The following CYTH1 variants were observed in gnomAD, a reference collection of about 807,000 sequenced individuals.
The protein encoded by CYTH1 is cytohesin 1, also known as cytohesin-1.
A neutral mutation model predicts 61.8 loss-of-function variants in CYTH1; 18 were observed. The ratio of observed to expected loss-of-function variants is 0.29; its 90% confidence interval spans 0.20 to 0.43. The LOEUF is 0.43. Among genes scored for constraint, CYTH1 ranks in the 20% least tolerant of loss-of-function variants. CYTH1 has a pLI of 1.00. For missense variants in CYTH1, 336 were observed against 510.5 expected, an observed-to-expected ratio of 0.66 and a Z score of 3.29; for synonymous variants, 174 against 184.3, an observed-to-expected ratio of 0.94 and a Z score of 0.45.
At chr17:78,680,062 C>G (rs554641861) in intron 13 of CYTH1, 128 bp downstream of exon 13, 5 of 1,308,058 alleles carry the variant, frequency 3.8e-6, no homozygotes, top group East Asian at 5.1e-5. Flanking sequence ...GGAACCAGGA[C>G]GAAGCTTCCC....
At chr17:78,707,666 G>A (rs1338992449) in intron 3 of CYTH1, among the ~76,000 whole-genome samples, 2 of 151,672 alleles carry the variant, frequency 1.3e-5, no homozygotes, top group African/African-American at 2.4e-5. Flanking sequence ...TGGGACCTTT[G>A]AAGTTCTCCA....
rs1009519427 is a variant in CYTH1 at position 78,700,981 on chromosome 17, A to C, written c.438-538T>G. Among the ~76,000 whole-genome samples, 2 of 152,230 alleles carry C rather than the reference A, an allele frequency of 1.3e-5. No individual in the cohort carries two copies. The highest frequency in any genetic ancestry group is 2.9e-5 in the Non-Finnish European group (2 of 68,038). On this transcript the variant is annotated intron_variant, in intron 6 of 13. Transcript: ENST00000446868. The surrounding 1 kb of genome is among the most constrained non-coding windows in gnomAD (Gnocchi z 5.1). ...TCTTAGGAAAAAGTGAAAAATTAGG[A>C]GGGAAACAATCCCTACTGAGGAGTG...
chr17:78,678,992 A>G (rs1202197647), intron 13 of CYTH1, among the ~76,000 whole-genome samples: 1 of 152,218 alleles, frequency 6.6e-6, no homozygotes, highest in Non-Finnish European at 1.5e-5. Flanking sequence ...TACTTTTGAG[A>G]GGATAAATCA....
intron 1 of CYTH1, among the ~76,000 whole-genome samples, chr17:78,744,842 T>G (rs1425239376): frequency 3.0e-5 from 4 of 133,812 alleles, no homozygotes; most frequent in Non-Finnish European, 6.3e-5. Context: ...ACCGATTAGA[T>G]GTCAAAAAAA....
At position 78,717,435 on chromosome 17, in the gene CYTH1, C is replaced by A. The variant is rs997055415; in HGVS notation, c.23-7703G>T. Among the ~76,000 whole-genome samples the A allele has an allele frequency of 6.6e-6, 1 of 152,256 alleles. No homozygotes were observed. Among genetic ancestry groups the A allele is most frequent in the East Asian group, 1.9e-4 (1 of 5,186 alleles). On this transcript the variant is annotated intron_variant, in intron 1 of 13. Coordinates refer to ENST00000446868, the MANE Select transcript of CYTH1 (RefSeq NM_004762.6). This position sits in a 1 kb window ranked among gnomAD's most constrained non-coding sequence, Gnocchi z 4.4. ...GATTAAAGTGACAAAAACAACAAGG[C>A]GCTATTGTGCTTGGCTGTGAATAGG...
At chr17:78,711,123 G>A (rs1174382893) in intron 1 of CYTH1, among the ~76,000 whole-genome samples, 3 of 151,768 alleles carry the variant, frequency 2.0e-5, no homozygotes, top group African/African-American at 4.8e-5. Flanking sequence ...TTAGCTGGGC[G>A]TGGTGGCAGG....
intron 11 of CYTH1, among the ~76,000 whole-genome samples, chr17:78,682,550 T>C (rs2092774491): frequency 6.6e-6 from 1 of 152,116 alleles, no homozygotes; most frequent in South Asian, 2.1e-4. Flanking sequence ...CCAAGGCCTT[T>C]GTCCTCCACC....
intron 1 of CYTH1, among the ~76,000 whole-genome samples, chr17:78,755,798 C>G (rs1335632416): frequency 2.0e-5 from 3 of 151,694 alleles, no homozygotes; most frequent in Admixed American, 6.6e-5. Context: ...GTAGTCCCAG[C>G]TACTTGGGAG....
At chr17:78,738,598 C>G (rs1341387854) in intron 1 of CYTH1, among the ~76,000 whole-genome samples, 1 of 151,386 alleles carries the variant, frequency 6.6e-6, no homozygotes, top group Non-Finnish European at 1.5e-5. Context: ...TGCCTAATAA[C>G]AGTTGAATAA....
At chr17:78,690,547 A>C (rs960032926) in intron 11 of CYTH1, among the ~76,000 whole-genome samples, 3 of 151,888 alleles carry the variant, frequency 2.0e-5, no homozygotes, top group African/African-American at 7.3e-5. Flanking sequence ...CAAAACAAAA[A>C]AAAACGGATG....
chr17:78,747,362 G>C (rs1416563852), intron 1 of CYTH1, among the ~76,000 whole-genome samples: 1 of 152,070 alleles, frequency 6.6e-6, no homozygotes, highest in Non-Finnish European at 1.5e-5. Flanking sequence ...GAGATCTGGG[G>C]AGACTCAAAT....
chr17:78,738,228 A>G (rs930821266), intron 1 of CYTH1, among the ~76,000 whole-genome samples: 2 of 152,140 alleles, frequency 1.3e-5, no homozygotes, highest in Non-Finnish European at 2.9e-5. Context: ...GATGTGACCT[A>G]ACTCATCTAA....
intron 13 of CYTH1, 31 bp downstream of exon 13, chr17:78,680,159 C>A (rs559421292): frequency 2.5e-6 from 4 of 1,612,152 alleles, no homozygotes; most frequent in East Asian, 2.2e-5. Context: ...CTGCACCAGG[C>A]GCGCACTGCC....
intron 1 of CYTH1, among the ~76,000 whole-genome samples, chr17:78,733,424 C>T (rs1489587984): frequency 6.6e-6 from 1 of 152,180 alleles, no homozygotes; most frequent in African/African-American, 2.4e-5. Context: ...GAGCCCAATT[C>T]ACATTCCGGT....
intron 1 of CYTH1, among the ~76,000 whole-genome samples, chr17:78,743,281 C>T (rs575994740): frequency 9.1e-4 from 138 of 152,322 alleles, no homozygotes; most frequent in Non-Finnish European, 1.4e-3. Flanking sequence ...CCCATCATCT[C>T]CGTCCACTCA....
chr17:78,738,090 G>C (rs186408724), intron 1 of CYTH1, among the ~76,000 whole-genome samples: 1 of 151,978 alleles, frequency 6.6e-6, no homozygotes, highest in African/African-American at 2.4e-5. Context: ...CACACGTTTC[G>C]GCACATCTCT....
chr17:78,675,659 A>C lies in CYTH1; in HGVS notation c.*432T>G, dbSNP rs1309276839. ...AAAAAAAAAAATAGATCTTTATAGT[A>C]TGTGGCTTCTCTTCCTTTCCACCTT... is the stretch of plus-strand genomic sequence containing the variant. On this transcript the variant is annotated 3_prime_UTR_variant, in exon 14 of 14. Transcript: ENST00000446868. The C allele has an allele frequency of 5.2e-6, 2 of 387,332 alleles. No homozygotes were observed. The highest frequency in any genetic ancestry group is 8.3e-5 in the Admixed American group (2 of 23,998). 24.0% of individuals were successfully genotyped at this position (387,332 alleles called of 1,614,324 possible). A position where few individuals can be genotyped will look rare whatever the true frequency, so the allele number is the denominator to read the frequency against.
chr17:78,683,483 C>T (rs1054794633), intron 11 of CYTH1, among the ~76,000 whole-genome samples: 6 of 152,188 alleles, frequency 3.9e-5, no homozygotes, highest in Non-Finnish European at 8.8e-5. Flanking sequence ...AATAACCTCA[C>T]GCATCTCTTC....
intron 1 of CYTH1, among the ~76,000 whole-genome samples, chr17:78,750,850 G>A (rs971556342): frequency 6.6e-6 from 1 of 151,544 alleles, no homozygotes; most frequent in Non-Finnish European, 1.5e-5. Context: ...AATTGGAAAA[G>A]ACTAAACCGT....
Sources: gnomAD v4.1 joint callset for allele counts (sites outside exome capture counted in the v4.1 genomes callset) on GRCh38, gnomAD v4.1.1 for gene constraint, Gnocchi (gnomAD v3.1) non-coding constraint, MANE v1.5 for transcripts, NCBI Gene and HGNC (gene_info 2026-07-23, HGNC 2026-07-21) for gene names.